The following COBL variants were observed in gnomAD, a reference collection of about 807,000 sequenced individuals.
The protein encoded by COBL is cordon-bleu WH2 repeat protein.
Under a neutral mutation model 98.8 loss-of-function variants are expected in COBL, and 51 were observed. The ratio of observed to expected loss-of-function variants is 0.52; its 90% CI spans 0.41 to 0.65. COBL has a LOEUF of 0.65. Among genes scored for constraint, COBL ranks in the 30% least tolerant of loss-of-function variants. COBL has a pLI of 0.00. For missense variants in COBL, 1,617 were observed against 1,617.5 expected (o/e 1.00, Z 0.01); for synonymous variants, 634 against 651.7 (o/e 0.97, Z 0.41).
At chr7:51,089,962 T>C (rs990374796) in intron 6 of COBL, among the ~76,000 whole-genome samples, 1 of 152,204 alleles carries the variant, frequency 6.6e-6, no homozygotes, top group African/African-American at 2.4e-5. Context: ...CTATTGCCTT[T>C]AGCTAAATAT....
intron 1 of COBL, among the ~76,000 whole-genome samples, chr7:51,276,054 A>G (rs1372031597): frequency 6.6e-6 from 1 of 152,216 alleles, no homozygotes; most frequent in East Asian, 1.9e-4. Context: ...AATTGTTTGA[A>G]GAAACAAATA....
At chr7:51,172,820 G>GC (rs1788012554) in intron 5 of COBL, among the ~76,000 whole-genome samples, 1 of 149,654 alleles carries the variant, frequency 6.7e-6, no homozygotes, top group African/African-American at 2.5e-5. Context: ...ACAGTGTCTT[G>GC]CTGTGTCGCC....
At chr7:51,128,649 T>C (rs1798451928) in intron 6 of COBL, among the ~76,000 whole-genome samples, 1 of 152,224 alleles carries the variant, frequency 6.6e-6, no homozygotes, top group African/African-American at 2.4e-5. Flanking sequence ...AGTGGCAATG[T>C]CAGCCTCCAG....
chr7:51,215,202 G>T (rs1792912591), intron 2 of COBL, among the ~76,000 whole-genome samples: 1 of 152,174 alleles, frequency 6.6e-6, no homozygotes, highest in African/African-American at 2.4e-5. Context: ...CACCTTCTGT[G>T]AACGTTTAGG....
chr7:51,058,772 G>C (rs1368743137), intron 7 of COBL, among the ~76,000 whole-genome samples: 1 of 152,228 alleles, frequency 6.6e-6, no homozygotes, highest in Non-Finnish European at 1.5e-5. Flanking sequence ...TGGACAGCCG[G>C]AGCCTCTGAG....
At chr7:51,026,688 C>T (rs1787604900) in intron 10 of COBL, 23 bp from the exon 11 acceptor site, 1 of 1,606,420 alleles carries the variant, frequency 6.2e-7, no homozygotes, top group African/African-American at 1.3e-5. Context: ...CAGTGTCACA[C>T]ATTTCACTGA....
chr7:51,302,387 A>C (rs961516639), intron 1 of COBL, among the ~76,000 whole-genome samples: 2 of 151,950 alleles, frequency 1.3e-5, no homozygotes, highest in African/African-American at 4.8e-5. Flanking sequence ...TTCGAGACCA[A>C]CCTAGCCAAC....
chr7:51,254,778 G>A (rs1797049264), intron 1 of COBL, among the ~76,000 whole-genome samples: 1 of 152,132 alleles, frequency 6.6e-6, no homozygotes, highest in Non-Finnish European at 1.5e-5. Flanking sequence ...CCTCATGAAG[G>A]GGACTGCATA....
At chr7:51,163,786 A>C (rs1483035416) in intron 5 of COBL, among the ~76,000 whole-genome samples, 1 of 152,208 alleles carries the variant, frequency 6.6e-6, no homozygotes, top group African/African-American at 2.4e-5. Context: ...TGTTGTTACA[A>C]ATAATGCCAC....
intron 1 of COBL, among the ~76,000 whole-genome samples, chr7:51,231,820 T>C (rs370413895): frequency 2.6e-5 from 4 of 152,160 alleles, no homozygotes; most frequent in South Asian, 2.1e-4. Flanking sequence ...CAAGAGCATG[T>C]GGCACCAGAC....
At chr7:51,095,129 C>T (rs1318305657) in intron 6 of COBL, among the ~76,000 whole-genome samples, 1 of 152,124 alleles carries the variant, frequency 6.6e-6, no homozygotes, top group Admixed American at 6.5e-5. Flanking sequence ...CTTACAGTTC[C>T]ACATGGGTGG....
intron 1 of COBL, among the ~76,000 whole-genome samples, chr7:51,313,786 T>C (rs567712942): frequency 1.3e-5 from 2 of 152,312 alleles, no homozygotes; most frequent in Admixed American, 6.5e-5. Flanking sequence ...AAACGCAAAG[T>C]AAACAGATAA....
chr7:51,131,882 A>G (rs932757659), intron 6 of COBL, among the ~76,000 whole-genome samples: 6 of 152,204 alleles, frequency 3.9e-5, no homozygotes, highest in Admixed American at 2.0e-4. Context: ...ATGAGCCACC[A>G]TGCCCGGTGA....
At chr7:51,050,886 T>C (rs1485085901) in intron 7 of COBL, among the ~76,000 whole-genome samples, 2 of 152,266 alleles carry the variant, frequency 1.3e-5, no homozygotes, top group African/African-American at 4.8e-5. Flanking sequence ...TCTTGTCTAA[T>C]AAATGTCTAA....
chr7:51,230,459 C>T (rs1347155663), intron 1 of COBL, among the ~76,000 whole-genome samples: 2 of 152,172 alleles, frequency 1.3e-5, no homozygotes, highest in Non-Finnish European at 2.9e-5. Flanking sequence ...CCCGTTCCTG[C>T]TCCACTGTTG....
intron 2 of COBL, among the ~76,000 whole-genome samples, chr7:51,201,572 A>G (rs1791134496): frequency 6.6e-6 from 1 of 152,216 alleles, no homozygotes; most frequent in Non-Finnish European, 1.5e-5. Flanking sequence ...AGAAAGATCA[A>G]TCAATAAGTA....
At chr7:51,210,946 A>G (rs1792362228) in intron 2 of COBL, among the ~76,000 whole-genome samples, 1 of 152,180 alleles carries the variant, frequency 6.6e-6, no homozygotes, top group African/African-American at 2.4e-5. Flanking sequence ...GCAGTGCCCA[A>G]CAATGGACAG....
intron 6 of COBL, among the ~76,000 whole-genome samples, chr7:51,133,208 G>A (rs754773492): frequency 5.3e-5 from 8 of 152,264 alleles, no homozygotes; most frequent in African/African-American, 1.4e-4. Context: ...CAGACAATTC[G>A]TCTGTCCTCC....
chr7:51,306,170 C>T (rs1435055723), intron 1 of COBL, among the ~76,000 whole-genome samples: 2 of 152,126 alleles, frequency 1.3e-5, no homozygotes, highest in East Asian at 3.9e-4. Context: ...CACCATGAAC[C>T]TAGAGGCGGC....
Sources: gnomAD v4.1 joint callset for allele counts (sites outside exome capture counted in the v4.1 genomes callset) on GRCh38, gnomAD v4.1.1 for gene constraint, MANE v1.5 for transcripts, NCBI Gene and HGNC (gene_info 2026-07-23, HGNC 2026-07-21) for gene names.